WWC2: variants seen among roughly 807,000 people sequenced by gnomAD.
WWC2 encodes the protein WW and C2 domain containing 2, also known as protein WWC2.
In WWC2, 101 loss-of-function variants were observed where a neutral mutation model predicts 138.5. That is an observed-to-expected ratio of 0.73 (90% CI 0.62 to 0.86). The LOEUF is 0.86. WWC2 is among the 40% of genes least tolerant of loss of function. The pLI, the probability that WWC2 is intolerant of heterozygous loss-of-function variation, is 0.00. For synonymous variants in WWC2, 558 were observed against 538.4 expected (o/e 1.04, Z -0.50); for missense variants, 1,420 against 1,419.4 (o/e 1.00, Z -0.01).
chr4:183,162,650 T>C (rs1176897476), intron 1 of WWC2, among the ~76,000 whole-genome samples: 1 of 143,968 alleles, frequency 6.9e-6, no homozygotes, highest in Non-Finnish European at 1.5e-5. Flanking sequence ...GACAGCTGGT[T>C]TTTTTGCAGG....
At chr4:183,229,390 G>T (rs879054597) in intron 4 of WWC2, among the ~76,000 whole-genome samples, 2 of 152,060 alleles carry the variant, frequency 1.3e-5, no homozygotes, top group Admixed American at 1.3e-4. Flanking sequence ...CTTAACCCTG[G>T]TGGTTTGAAC....
rs1469855240 is a variant in WWC2 at position 183,269,048 on chromosome 4, A to G, written c.2285A>G (p.Glu762Gly). The change falls in exon 15 of 23, where the codon GAA becomes GGA. Residue 762 changes from glutamate to glycine, a missense_variant. Transcript: ENST00000403733. ...CGCACAAAAGTTCATCCGCCCACAG[A>G]ATCCATTTTATTCAATGATGTGTTC... is the stretch of plus-strand genomic sequence containing the variant. ...LFRTKVHPPT[E>G]SILFNDVFRV... is the part of the protein sequence containing the mutation. 1 of 1,613,796 alleles carries G rather than the reference A, an allele frequency of 6.2e-7. No individual in the cohort carries two copies. Among genetic ancestry groups the G allele is most frequent in the African/African-American group, 1.3e-5 (1 of 74,908 alleles).
intron 1 of WWC2, among the ~76,000 whole-genome samples, chr4:183,112,714 T>C (rs1348191363): frequency 6.6e-6 from 1 of 152,178 alleles, no homozygotes; most frequent in Non-Finnish European, 1.5e-5. Context: ...GTAGTGAATT[T>C]GCTTTGATTA....
At chr4:183,276,380 C>A (rs1250408405) in intron 16 of WWC2, among the ~76,000 whole-genome samples, 2 of 151,868 alleles carry the variant, frequency 1.3e-5, no homozygotes, top group African/African-American at 4.8e-5. Flanking sequence ...TTAATTCCAT[C>A]TTTATTCTTT....
intron 10 of WWC2, among the ~76,000 whole-genome samples, chr4:183,260,405 T>C (rs371799483): frequency 2.0e-5 from 3 of 152,200 alleles, no homozygotes; most frequent in African/African-American, 7.2e-5. Context: ...CGAAGAAGCA[T>C]AGACATGGTA....
At chr4:183,267,580 C>T (rs1298079724) in intron 14 of WWC2, among the ~76,000 whole-genome samples, 4 of 152,332 alleles carry the variant, frequency 2.6e-5, no homozygotes, top group Admixed American at 2.0e-4. Flanking sequence ...CTTCTTTAAA[C>T]TCACTGTAAG....
Position 183,196,747 on chromosome 4 carries a change from C to T in WWC2, c.241+3039C>T, listed in dbSNP as rs150433693. Among the ~76,000 whole-genome samples the T allele has an allele frequency of 7.2e-3, 1,103 of 152,238 alleles. 17 individuals are homozygous for T. The highest frequency in any genetic ancestry group is 0.025 in the African/African-American group (1,038 of 41,536). On this transcript the variant is annotated intron_variant, in intron 2 of 22. Transcript: ENST00000403733. ...CTAGCCTGAGCACTCTCTGCACAGC[C>T]CCTAGGCCCTCCCTTTGTCTGAAGG...
At chr4:183,138,809 C>T (rs1422884356) in intron 1 of WWC2, among the ~76,000 whole-genome samples, 1 of 152,092 alleles carries the variant, frequency 6.6e-6, no homozygotes, top group Non-Finnish European at 1.5e-5. Context: ...TTAAGTAACA[C>T]ATTTAGTTGT....
Position 183,282,704 on chromosome 4 carries a change from A to G in WWC2, c.2685-4A>G, listed in dbSNP as rs774016053. ...AAAAGTGTTTTGTTTTTGTTTTACC[A>G]TAGGCTAACAATGCTAAGAGAGGCC... On this transcript the variant is annotated splice_region_variant and splice_polypyrimidine_tract_variant and intron_variant, in intron 17 of 22. Transcript: ENST00000403733. The G allele has an allele frequency of 2.7e-5, 42 of 1,562,602 alleles. No homozygotes were observed. The highest frequency in any genetic ancestry group is 3.8e-5 in the Admixed American group (2 of 52,098).
chr4:183,130,056 CTTT>C (rs534398108), intron 1 of WWC2, among the ~76,000 whole-genome samples: 6 of 139,752 alleles, frequency 4.3e-5, no homozygotes, highest in Admixed American at 7.2e-5. Flanking sequence ...TCCTAAGTAT[CTTT>C]TTTTTTTTTT....
chr4:183,109,676 ACCT>A (rs1210513915), intron 1 of WWC2, among the ~76,000 whole-genome samples: 1 of 151,692 alleles, frequency 6.6e-6, no homozygotes, highest in East Asian at 1.9e-4. Flanking sequence ...CGCACCACAC[ACCT>A]CCTTCTGTGC....
intron 21 of WWC2, among the ~76,000 whole-genome samples, chr4:183,311,119 A>T (rs1739200721): frequency 6.6e-6 from 1 of 152,124 alleles, no homozygotes; most frequent in African/African-American, 2.4e-5. Context: ...CCTTTCCTTA[A>T]AAGACAGTCC....
intron 1 of WWC2, among the ~76,000 whole-genome samples, chr4:183,165,580 C>T (rs1734109070): frequency 6.6e-6 from 1 of 152,110 alleles, no homozygotes; most frequent in African/African-American, 2.4e-5. Context: ...AAGGAAATCT[C>T]AGCAGAATGC....
intron 21 of WWC2, among the ~76,000 whole-genome samples, chr4:183,293,097 G>A (rs1332478995): frequency 6.6e-6 from 1 of 152,148 alleles, no homozygotes; most frequent in East Asian, 1.9e-4. Context: ...TGGGGCTACA[G>A]GTGCACACCG....
At chr4:183,175,092 T>G (rs1734422668) in intron 1 of WWC2, among the ~76,000 whole-genome samples, 1 of 152,164 alleles carries the variant, frequency 6.6e-6, no homozygotes, top group East Asian at 1.9e-4. Flanking sequence ...CCTAAATAGT[T>G]CAGCATACAT....
intron 2 of WWC2, among the ~76,000 whole-genome samples, chr4:183,196,101 G>A (rs1031917628): frequency 6.6e-6 from 1 of 152,056 alleles, no homozygotes; most frequent in African/African-American, 2.4e-5. Flanking sequence ...TGGTGCTCCC[G>A]CTTTGCCTTC....
Position 183,190,479 on chromosome 4 carries a change from G to A in WWC2, c.132-3120G>A, listed in dbSNP as rs1580037741. ...CTTAATTTGTTTGGAACCTGAGAAT[G>A]TTGTTCTATTTATATTTTATAATTT... On this transcript the variant is annotated intron_variant, in intron 1 of 22. Coordinates refer to ENST00000403733, the MANE Select transcript of WWC2 (RefSeq NM_024949.6). Among the ~76,000 whole-genome samples the A allele has an allele frequency of 5.3e-5, 8 of 152,134 alleles. No individual in the cohort carries two copies. The South Asian group carries it at 1.5e-3, about 28-fold the overall frequency.
chr4:183,288,148 TAAG>T (rs1738316895), intron 20 of WWC2, among the ~76,000 whole-genome samples: 1 of 152,120 alleles, frequency 6.6e-6, no homozygotes, highest in Non-Finnish European at 1.5e-5. Context: ...GGGAACCTAA[TAAG>T]AAGAATGTTA....
Position 183,319,248 on chromosome 4 carries a change from A to C in WWC2, c.*3519A>C. On this transcript the variant is annotated 3_prime_UTR_variant, in exon 23 of 23. Transcript: ENST00000403733. ...TGCCAAATGATTCCGCTCCATATGA[A>C]TAATACCTTCAAAGATACATAGAGA... 1 of 251,590 alleles carries C rather than the reference A, an allele frequency of 4.0e-6. No individual in the cohort carries two copies. Among genetic ancestry groups the C allele is most frequent in the Non-Finnish European group, 7.6e-6 (1 of 131,694 alleles). The allele number at this position is 251,590 out of a possible 1,614,324, so 15.6% of individuals were successfully genotyped here. A position where few individuals can be genotyped will look rare whatever the true frequency, so the allele number is the denominator to read the frequency against.
Sources: gnomAD v4.1 joint callset for allele counts (sites outside exome capture counted in the v4.1 genomes callset) on GRCh38, gnomAD v4.1.1 for gene constraint, MANE v1.5 for transcripts, NCBI Gene and HGNC (gene_info 2026-07-23, HGNC 2026-07-21) for gene names.